DPP6: variants seen among roughly 807,000 people sequenced by gnomAD.
The protein encoded by DPP6 is A-type potassium channel modulatory protein DPP6.
A neutral mutation model predicts 122.6 loss-of-function variants in DPP6; 69 were observed. The observed-to-expected ratio is 0.56, with a 90% CI of 0.46 to 0.69. DPP6 has a LOEUF of 0.69. Among genes scored for constraint, DPP6 ranks in the 30% least tolerant of loss-of-function variants. The pLI, the probability that DPP6 is intolerant of heterozygous loss-of-function variation, is 0.00. For synonymous variants in DPP6, 418 were observed against 433.1 expected, an observed-to-expected ratio of 0.97 and a Z score of 0.43; for missense variants, 928 against 1,116.9, an observed-to-expected ratio of 0.83 and a Z score of 2.41.
intron 20 of DPP6, among the ~76,000 whole-genome samples, chr7:154,878,330 A>G (rs1342845411): frequency 6.6e-6 from 1 of 152,242 alleles, no homozygotes; most frequent in Non-Finnish European, 1.5e-5. Flanking sequence ...TTCCAAAACA[A>G]GGCAGAACCT....
At chr7:154,761,242 A>G (rs1404981326) in intron 8 of DPP6, among the ~76,000 whole-genome samples, 1 of 152,214 alleles carries the variant, frequency 6.6e-6, no homozygotes, top group East Asian at 1.9e-4. Flanking sequence ...CTCTGCACCA[A>G]CTGGGGTGAC....
At chr7:154,112,899 C>T (rs568433563) in intron 1 of DPP6, among the ~76,000 whole-genome samples, 1 of 152,050 alleles carries the variant, frequency 6.6e-6, no homozygotes, top group African/African-American at 2.4e-5. Flanking sequence ...ATTTCCCCTT[C>T]TCCCAAGCCC....
At chr7:154,296,562 C>T (rs772227291) in intron 1 of DPP6, among the ~76,000 whole-genome samples, 3 of 152,190 alleles carry the variant, frequency 2.0e-5, no homozygotes, top group Non-Finnish European at 4.4e-5. Flanking sequence ...GGAAAAGTGA[C>T]AGCCTTAACG....
upstream of DPP6, among the ~76,000 whole-genome samples, chr7:154,050,476 C>T (rs549471325): frequency 5.5e-4 from 83 of 152,104 alleles, 1 homozygote; most frequent in African/African-American, 1.9e-3. Context: ...CTAACTGCAT[C>T]TATATTTAGT....
intron 1 of DPP6, among the ~76,000 whole-genome samples, chr7:153,950,912 C>T (rs555648051): frequency 1.2e-4 from 18 of 152,242 alleles, no homozygotes; most frequent in African/African-American, 3.9e-4. Flanking sequence ...ATGCAAGCCA[C>T]GTAGGTGTGC....
intron 1 of DPP6, among the ~76,000 whole-genome samples, chr7:154,091,604 C>A (rs1290889884): frequency 1.3e-4 from 19 of 151,634 alleles, no homozygotes; most frequent in Non-Finnish European, 1.9e-4. Flanking sequence ...GCTTGAGGGA[C>A]AGAGAGAGAG....
the DPP6 span, among the ~76,000 whole-genome samples, chr7:153,760,278 T>C: frequency 6.6e-6 from 1 of 152,240 alleles, no homozygotes; most frequent in African/African-American, 2.4e-5. Flanking sequence ...ATGTTGTCCA[T>C]GTCTTCATTG....
chr7:154,055,705 T>C (rs79536510), intron 1 of DPP6: 18,245 of 152,262 alleles, frequency 0.12, 1,393 homozygotes, highest in Admixed American at 0.21. Flanking sequence ...GGGAGCTGTC[T>C]GAGGTGCTGA....
In DPP6 at chr7:154,247,778, T is replaced by A. The variant is rs146103585; in HGVS notation, c.243+194715T>A. ...TATTTACCCAACAGCAATGAAAACATGTCCATGAAAAGACTTGTACAGGAA... is the reference window on the plus strand; with the variant it reads ...TATTTACCCAACAGCAATGAAAACAAGTCCATGAAAAGACTTGTACAGGAA... On this transcript the variant is annotated intron_variant, in intron 1 of 25. Transcript: ENST00000377770. Among the ~76,000 whole-genome samples the A allele has an allele frequency of 8.2e-3, 1,250 of 152,278 alleles. 14 individuals are homozygous for A. Among genetic ancestry groups the A allele is most frequent in the Non-Finnish European group, 0.013 (891 of 68,022 alleles).
chr7:153,792,215 T>A, the DPP6 span, among the ~76,000 whole-genome samples: 1 of 152,264 alleles, frequency 6.6e-6, no homozygotes, highest in African/African-American at 2.4e-5. Context: ...TTGTTCCACA[T>A]CCTCTTCATT....
chr7:154,120,670 T>C (rs1029468671), intron 1 of DPP6, among the ~76,000 whole-genome samples: 8 of 152,152 alleles, frequency 5.3e-5, no homozygotes, highest in Non-Finnish European at 4.4e-5. Context: ...ACTATGGAAA[T>C]TGCTCCTTAG....
At chr7:154,759,621 C>G (rs751741436) in intron 8 of DPP6, among the ~76,000 whole-genome samples, 8 of 152,210 alleles carry the variant, frequency 5.3e-5, no homozygotes, top group Non-Finnish European at 1.2e-4. Context: ...ATGGGACCCC[C>G]TACTTCAAAA....
the DPP6 span, among the ~76,000 whole-genome samples, chr7:153,775,774 C>T: frequency 5.3e-5 from 8 of 152,096 alleles, no homozygotes; most frequent in Non-Finnish European, 1.0e-4. Flanking sequence ...AATTGTTTTT[C>T]TGTGTTCTAG....
intron 1 of DPP6, among the ~76,000 whole-genome samples, chr7:154,164,028 A>G (rs1470167157): frequency 6.6e-6 from 1 of 152,034 alleles, no homozygotes; most frequent in Non-Finnish European, 1.5e-5. Flanking sequence ...TGGTTTGGCT[A>G]CCACCCATAA....
At chr7:154,441,077 G>A (rs554747327) in intron 1 of DPP6, among the ~76,000 whole-genome samples, 1 of 152,266 alleles carries the variant, frequency 6.6e-6, no homozygotes, top group South Asian at 2.1e-4. Context: ...ATTCACAGTG[G>A]TTATTGGCTG....
intron 7 of DPP6, among the ~76,000 whole-genome samples, chr7:154,680,694 TAAA>T (rs111811314): frequency 6.0e-5 from 9 of 149,506 alleles, no homozygotes; most frequent in African/African-American, 1.2e-4. Context: ...ATATTTTTTT[TAAA>T]AAAAAATTAA....
intron 6 of DPP6, among the ~76,000 whole-genome samples, chr7:154,646,470 T>C (rs1430164400): frequency 6.6e-6 from 1 of 151,524 alleles, no homozygotes; most frequent in African/African-American, 2.4e-5. Flanking sequence ...GTGCCTCTCA[T>C]ACTCAAATCC....
intron 1 of DPP6, among the ~76,000 whole-genome samples, chr7:153,926,113 C>T (rs1800886472): frequency 6.6e-6 from 1 of 152,188 alleles, no homozygotes; most frequent in African/African-American, 2.4e-5. Context: ...ATTGATGGGG[C>T]ACCTGAGTCA....
chr7:154,845,905 A>G (rs1311961422), intron 16 of DPP6, among the ~76,000 whole-genome samples: 2 of 152,128 alleles, frequency 1.3e-5, no homozygotes, highest in East Asian at 1.9e-4. Flanking sequence ...CCCCATGGCC[A>G]TGTGGCCTGC....
Sources: gnomAD v4.1 joint callset for allele counts (sites outside exome capture counted in the v4.1 genomes callset) on GRCh38, gnomAD v4.1.1 for gene constraint, MANE v1.5 for transcripts, NCBI Gene and HGNC (gene_info 2026-07-23, HGNC 2026-07-21) for gene names.